The following ARHGEF26 variants were observed in gnomAD, a reference collection of about 807,000 sequenced individuals.
ARHGEF26 encodes the protein Rho guanine nucleotide exchange factor 26.
Under a neutral mutation model 89.4 loss-of-function variants are expected in ARHGEF26, and 59 were observed. The observed-to-expected ratio is 0.66, with a 90% confidence interval of 0.54 to 0.82. The LOEUF is 0.82. Ranked by LOEUF, ARHGEF26 falls within the 40% of genes least tolerant of loss-of-function variation. The probability of loss-of-function intolerance (pLI) is 0.00; values close to 1 mark genes in which losing one functional copy is unlikely to be tolerated. For missense variants in ARHGEF26, 1,234 were observed against 1,085.6 expected, an observed-to-expected ratio of 1.14 and a Z score of -1.92; for synonymous variants, 500 against 428.4, an observed-to-expected ratio of 1.17 and a Z score of -2.06.
chr3:154,218,019 C>G lies in ARHGEF26; in HGVS notation c.1935+61C>G, dbSNP rs141856527. 9.6e-4 allele frequency: 1,327 copies of G among 1,383,660 alleles called. 12 individuals carry two copies. The African/African-American group carries it at 0.017, about 18-fold the overall frequency. The allele number at this position is 1,383,660 out of a possible 1,614,324, so 85.7% of individuals were successfully genotyped here. On this transcript the variant is annotated intron_variant, in intron 10 of 14. Transcript: ENST00000465093. The stretch of plus-strand genomic sequence containing the variant: ...ATGTTTTTCTCTAAATAGAGAGAGA[C>G]AGTTGAGGGCAACAAAGTAGATAGG...
intron 11 of ARHGEF26, among the ~76,000 whole-genome samples, chr3:154,229,526 G>A (rs533010446): frequency 1.3e-5 from 2 of 152,316 alleles, no homozygotes; most frequent in African/African-American, 4.8e-5. Flanking sequence ...TTGACTAGAA[G>A]TTATCTGGGT....
Position 154,256,626 on chromosome 3 carries a change from A to T in ARHGEF26, c.*1153A>T. The stretch of plus-strand genomic sequence containing the variant: ...CTGACGTGAGGCTGCTTTGCCTTCA[A>T]TAATACCTAGTTTTCAGCTGTTCCA... On this transcript the variant is annotated 3_prime_UTR_variant, in exon 15 of 15. Transcript: ENST00000465093. The T allele has an allele frequency of 8.6e-7, 1 of 1,158,632 alleles. No homozygotes were observed. Among genetic ancestry groups the T allele is most frequent in the Non-Finnish European group, 1.1e-6 (1 of 943,634 alleles). 71.8% of individuals were successfully genotyped at this position (1,158,632 alleles called of 1,614,324 possible).
intron 4 of ARHGEF26, among the ~76,000 whole-genome samples, chr3:154,140,798 C>G (rs1719322298): frequency 6.6e-6 from 1 of 152,024 alleles, no homozygotes; most frequent in Non-Finnish European, 1.5e-5. Flanking sequence ...TCAGGCTGGT[C>G]TCGAACTGCT....
chr3:154,181,488 G>C (rs2108162802), intron 6 of ARHGEF26, among the ~76,000 whole-genome samples: 1 of 152,264 alleles, frequency 6.6e-6, no homozygotes, highest in East Asian at 1.9e-4. Context: ...TACCTTGAAA[G>C]GATGCCATTC....
At chr3:154,169,835 A>C (rs1230550851) in intron 6 of ARHGEF26, among the ~76,000 whole-genome samples, 1 of 152,152 alleles carries the variant, frequency 6.6e-6, no homozygotes, top group Non-Finnish European at 1.5e-5. Flanking sequence ...CAGTTGATGA[A>C]ATTATTGTGA....
intron 10 of ARHGEF26, among the ~76,000 whole-genome samples, chr3:154,219,568 C>A (rs1001155189): frequency 4.1e-4 from 62 of 150,456 alleles, no homozygotes; most frequent in African/African-American, 1.5e-3. Context: ...GCACTCCAGC[C>A]TGGGCAAAAG....
intron 6 of ARHGEF26, among the ~76,000 whole-genome samples, chr3:154,162,332 G>T (rs1169014306): frequency 6.6e-6 from 1 of 152,172 alleles, no homozygotes; most frequent in Non-Finnish European, 1.5e-5. Flanking sequence ...GATGAATTAA[G>T]TTTCAAAAGC....
At chr3:154,157,645 G>C (rs1711499073) in intron 6 of ARHGEF26, among the ~76,000 whole-genome samples, 1 of 152,094 alleles carries the variant, frequency 6.6e-6, no homozygotes, top group South Asian at 2.1e-4. Flanking sequence ...GATATTGAGA[G>C]ATATTTAGAA....
intron 6 of ARHGEF26, among the ~76,000 whole-genome samples, chr3:154,160,638 T>C (rs1435322705): frequency 1.3e-5 from 2 of 152,140 alleles, no homozygotes; most frequent in African/African-American, 2.4e-5. Flanking sequence ...ATCAACCAGA[T>C]TGAAATCCCA....
chr3:154,256,548 TA>T lies in ARHGEF26; in HGVS notation c.*1102del, dbSNP rs1474721087. 4.6e-6 allele frequency: 3 copies of T among 651,920 alleles called. No homozygotes were observed. The highest frequency in any genetic ancestry group is 2.4e-4 in the Admixed American group (1 of 4,138). 40.4% of individuals were successfully genotyped at this position (651,920 alleles called of 1,614,324 possible). On this transcript the variant is annotated 3_prime_UTR_variant, in exon 15 of 15. Transcript: ENST00000465093. Reference sequence around the variant, plus strand: ...GTGCCCAGCCTACTTTCTAATTAATTAAAAAAAAAAAAAAAAAAAAAAAAAA... The same window carrying T: ...GTGCCCAGCCTACTTTCTAATTAATTAAAAAAAAAAAAAAAAAAAAAAAAA...
chr3:154,194,729 G>T lies in ARHGEF26; in HGVS notation c.1845+11G>T, dbSNP rs115650273. The T allele has an allele frequency of 8.5e-3, 13,685 of 1,606,560 alleles. 87 individuals carry two copies. Among genetic ancestry groups the T allele is most frequent in the Non-Finnish European group, 0.01 (12,132 of 1,175,188 alleles). Reference sequence around the variant, plus strand: ...AAGGAAGTTAGCAAGGTAACTGTTGGGTGACAGTTTGTTTGTAAGACAGGA... The same window carrying T: ...AAGGAAGTTAGCAAGGTAACTGTTGTGTGACAGTTTGTTTGTAAGACAGGA... On this transcript the variant is annotated intron_variant, in intron 9 of 14. Transcript: ENST00000465093.
At chr3:154,161,436 G>A (rs1711658530) in intron 6 of ARHGEF26, among the ~76,000 whole-genome samples, 1 of 152,074 alleles carries the variant, frequency 6.6e-6, no homozygotes, top group Non-Finnish European at 1.5e-5. Context: ...AGGATTAAAT[G>A]ATATACATAA....
At chr3:154,248,364 A>C (rs1446603952) in intron 12 of ARHGEF26, among the ~76,000 whole-genome samples, 1 of 152,166 alleles carries the variant, frequency 6.6e-6, no homozygotes, top group Non-Finnish European at 1.5e-5. Flanking sequence ...TTAATGATTT[A>C]ATTAACAACA....
At chr3:154,146,559 A>G (rs1167544075) in intron 4 of ARHGEF26, among the ~76,000 whole-genome samples, 4 of 152,210 alleles carry the variant, frequency 2.6e-5, no homozygotes, top group East Asian at 1.9e-4. Context: ...GGTTTAGCCA[A>G]TTACTAATTT....
chr3:154,129,858 C>G (rs1718573143), intron 4 of ARHGEF26, 139 bp downstream of exon 4: 12 of 1,030,634 alleles, frequency 1.2e-5, no homozygotes, highest in Non-Finnish European at 1.7e-5. Flanking sequence ...TGAAATGTTT[C>G]TCGGAACTCT....
chr3:154,241,634 C>G (rs575821707), intron 12 of ARHGEF26, among the ~76,000 whole-genome samples: 6 of 152,310 alleles, frequency 3.9e-5, no homozygotes, highest in African/African-American at 1.4e-4. Context: ...GCAACGTCTC[C>G]AGTAGGGGAG....
chr3:154,122,252 A>G lies in ARHGEF26; in HGVS notation c.260A>G (p.Gln87Arg), dbSNP rs866707070. 2.5e-6 allele frequency: 4 copies of G among 1,611,640 alleles called. No homozygotes were observed. In the African/African-American group the frequency reaches 4.0e-5, roughly 16 times the overall value. ...AGGAGCCCCCTGCTTCTGGGCGCCCAGCGGAGAGCGGTGGCCAATGGTGGG... is the reference window on the plus strand; with the variant it reads ...AGGAGCCCCCTGCTTCTGGGCGCCCGGCGGAGAGCGGTGGCCAATGGTGGG... ...VHRSPLLLGA[Q>R]RRAVANGGTA... The change falls in exon 2 of 15, where the codon CAG becomes CGG. Residue 87 changes from glutamine (Q) to arginine (R), a missense_variant. Gln to Arg is a conservative substitution (Grantham distance 43). Coordinates refer to ENST00000465093, the MANE Select transcript of ARHGEF26 (RefSeq NM_015595.4).
intron 10 of ARHGEF26, among the ~76,000 whole-genome samples, chr3:154,223,113 A>G (rs1261738140): frequency 6.6e-6 from 1 of 152,194 alleles, no homozygotes; most frequent in Non-Finnish European, 1.5e-5. Flanking sequence ...GTTTGACCTT[A>G]TGAATAAGCA....
At chr3:154,201,535 G>A (rs1714637154) in intron 9 of ARHGEF26, among the ~76,000 whole-genome samples, 1 of 152,098 alleles carries the variant, frequency 6.6e-6, no homozygotes, top group Admixed American at 6.5e-5. Context: ...GGGATGGCTG[G>A]GTCAAATGAA....
Sources: gnomAD v4.1 joint callset for allele counts (sites outside exome capture counted in the v4.1 genomes callset) on GRCh38, gnomAD v4.1.1 for gene constraint, MANE v1.5 for transcripts, NCBI Gene and HGNC (gene_info 2026-07-23, HGNC 2026-07-21) for gene names.